B3GNT6: variants seen among roughly 807,000 people sequenced by gnomAD.
The protein encoded by B3GNT6 is acetylgalactosaminyl-O-glycosyl-glycoprotein beta-1,3-N-acetylglucosaminyltransferase.
For synonymous variants in B3GNT6, 300 were observed against 270.0 expected (o/e 1.11, Z -1.09); for missense variants, 624 against 568.6 (o/e 1.10, Z -0.99).
chr11:77,041,771 A>G lies in B3GNT6; in HGVS notation c.*1065A>G, dbSNP rs1949688920. The stretch of plus-strand genomic sequence containing the variant: ...CAAGAGTTCGAGACCAGCCTGGCCA[A>G]TATGGTGAAACCCCGTCTCTATTGG... On this transcript the variant is annotated 3_prime_UTR_variant, in exon 2 of 2. Transcript: ENST00000622824. The G allele has an allele frequency of 6.6e-6, 1 of 152,272 alleles. No individual in the cohort carries two copies. The highest frequency in any genetic ancestry group is 1.5e-5 in the Non-Finnish European group (1 of 68,104). 9.4% of individuals were successfully genotyped at this position (152,272 alleles called of 1,614,324 possible).
rs1555027556 is a variant in B3GNT6 at position 77,040,009 on chromosome 11, G to C, written c.458G>C (p.Arg153Pro). 3 of 1,576,320 alleles carry C rather than the reference G, an allele frequency of 1.9e-6. No individual in the cohort carries two copies. The Admixed American group carries it at 5.3e-5, about 28-fold the overall frequency. ...ERSYGGRPVR[R>P]LFLLGTPGPE... The stretch of plus-strand genomic sequence containing the variant: ...AGCTACGGCGGGCGGCCAGTGCGCC[G>C]CCTCTTTCTATTGGGCACCCCGGGC... The change falls in exon 2 of 2, where the codon CGC (arginine) becomes CCC (proline). Residue 153 changes from arginine (R) to proline (P), a missense_variant. Transcript: ENST00000622824.
Position 77,039,866 on chromosome 11 carries a change from G to A in B3GNT6, c.315G>A (p.Trp105Ter), listed in dbSNP as rs782358960. The change falls in exon 2 of 2, where the codon TGG becomes TGA. Residue 105 changes from tryptophan to a stop codon, truncating the protein, a stop_gained. Transcript: ENST00000622824. LOFTEE classifies it low-confidence loss of function (END_TRUNC). ...ACTGCCGCCACTTCCCGCTGCTTTG[G>A]GACGCACCGGCCAAGTGCGCCGGCG... ...YRHCRHFPLL[W>*]DAPAKCAGGR... The A allele has an allele frequency of 5.0e-6, 8 of 1,589,032 alleles. No homozygotes were observed. In the Admixed American group the frequency reaches 1.4e-4, roughly 27 times the overall value.
chr11:77,039,674 G>A lies in B3GNT6; in HGVS notation c.123G>A (p.Arg41=), dbSNP rs1565241099. The part of the protein sequence containing the change: ...LQAPRSPREE[R]SPQEETPEGP... The stretch of plus-strand genomic sequence containing the variant: ...CGCCAAGGTCCCCGCGGGAGGAGAG[G>A]TCCCCGCAGGAGGAGACGCCAGAGG... The change falls in exon 2 of 2, where the codon AGG becomes AGA. Residue 41 remains arginine (R), a synonymous_variant. Transcript: ENST00000622824. The A allele has an allele frequency of 1.2e-6, 2 of 1,612,752 alleles. No individual in the cohort carries two copies. The highest frequency in any genetic ancestry group is 1.7e-5 in the Admixed American group (1 of 59,994).
rs781960390 is a variant in B3GNT6, at chr11:77,041,290, A to C, written c.*584A>C. The C allele has an allele frequency of 1.3e-5, 2 of 152,614 alleles. No individual in the cohort carries two copies. Among genetic ancestry groups the C allele is most frequent in the Non-Finnish European group, 2.9e-5 (2 of 68,360 alleles). 9.5% of individuals were successfully genotyped at this position (152,614 alleles called of 1,614,324 possible). On this transcript the variant is annotated 3_prime_UTR_variant, in exon 2 of 2. Transcript: ENST00000622824. ...GTGGCCTTCTTCCCACCACTACCCC[A>C]GTACACCGTGAGGTAGAAATCTTCA...
At position 77,040,757 on chromosome 11, in the gene B3GNT6, A is replaced by G; in HGVS notation, c.*51A>G. 6.6e-7 allele frequency: 1 copy of G among 1,505,658 alleles called. No individual in the cohort carries two copies. Among genetic ancestry groups the G allele is most frequent in the Non-Finnish European group, 8.8e-7 (1 of 1,135,350 alleles). 93.3% of individuals were successfully genotyped at this position (1,505,658 alleles called of 1,614,324 possible). On this transcript the variant is annotated 3_prime_UTR_variant, in exon 2 of 2. Coordinates refer to ENST00000622824, the MANE Select transcript of B3GNT6 (RefSeq NM_138706.5). Reference sequence around the variant, plus strand: ...GGCCTCCAACCATGTCCATGCTGAGAAGGCAGCTTTCCCGCTCTGGGTACC... The same window carrying G: ...GGCCTCCAACCATGTCCATGCTGAGGAGGCAGCTTTCCCGCTCTGGGTACC...
chr11:77,040,144 C>T lies in B3GNT6; in HGVS notation c.593C>T (p.Thr198Met), dbSNP rs376838217. The T allele has an allele frequency of 1.3e-5, 20 of 1,599,084 alleles. No individual in the cohort carries two copies. Among genetic ancestry groups the T allele is most frequent in the Non-Finnish European group, 1.4e-5 (17 of 1,179,436 alleles). ...TTCGCGGACACCTTCCTCAACCTCA[C>T]GCTCAAGCACCTGCACTTGCTCGAC... ...WAFADTFLNL[T>M]LKHLHLLDWL... Residue 198 changes from threonine to methionine, a missense_variant, in exon 2 of 2, where the codon ACG becomes ATG. Transcript: ENST00000622824.
rs1555027632 is a variant in B3GNT6, at chr11:77,040,193, C to A, written c.642C>A (p.His214Gln). ...LLDWLAARCP[H>Q]ARFLLSGDDD... The stretch of plus-strand genomic sequence containing the variant: ...ACTGGCTGGCTGCACGCTGCCCGCA[C>A]GCGCGCTTTCTGCTCAGCGGCGACG... Residue 214 changes from histidine (H) to glutamine (Q), a missense_variant, in exon 2 of 2, where the codon CAC (histidine) becomes CAA (glutamine). By Grantham distance (24) the His-to-Gln change is conservative (BLOSUM62 0). Transcript: ENST00000622824. 3.1e-6 allele frequency: 5 copies of A among 1,599,326 alleles called. No individual in the cohort carries two copies. Among genetic ancestry groups the A allele is most frequent in the Non-Finnish European group, 4.2e-6 (5 of 1,179,492 alleles).
At chr11:77,039,349 T>C (rs967904411) in intron 1 of B3GNT6, among the ~76,000 whole-genome samples, 1 of 152,124 alleles carries the variant, frequency 6.6e-6, no homozygotes, top group Non-Finnish European at 1.5e-5. Context: ...GACTCAAATC[T>C]GAAGGTCAGA....
Position 77,040,505 on chromosome 11 carries a change from C to A in B3GNT6, c.954C>A (p.Arg318=), listed in dbSNP as rs1555027794. ...CCTACATGGGCATGTGTCTGGAGCGCGCCGGCCTGGCGCCCAGCGGCCACG... is the reference window on the plus strand; with the variant it reads ...CCTACATGGGCATGTGTCTGGAGCGAGCCGGCCTGGCGCCCAGCGGCCACG... ...DDAYMGMCLE[R]AGLAPSGHEG... The change falls in exon 2 of 2, where the codon CGC becomes CGA. Residue 318 remains arginine, a synonymous_variant. Transcript: ENST00000622824. 14 of 1,545,750 alleles carry A rather than the reference C, an allele frequency of 9.1e-6. No homozygotes were observed. The highest frequency in any genetic ancestry group is 1.1e-5 in the Non-Finnish European group (13 of 1,151,982).
rs1555027528 is a variant in B3GNT6, at chr11:77,039,977, A to G, written c.426A>G (p.Gln142=). 3 of 1,589,594 alleles carry G rather than the reference A, an allele frequency of 1.9e-6. No homozygotes were observed. The South Asian group carries it at 3.3e-5, about 18-fold the overall frequency. Residue 142 remains glutamine, a synonymous_variant, in exon 2 of 2, where the codon CAA becomes CAG. Coordinates refer to ENST00000622824, the MANE Select transcript of B3GNT6 (RefSeq NM_138706.5). ...RRELIRRTWG[Q]ERSYGGRPVR... Reference sequence around the variant, plus strand: ...AGCTCATCCGGCGCACGTGGGGGCAAGAGCGCAGCTACGGCGGGCGGCCAG... The same window carrying G: ...AGCTCATCCGGCGCACGTGGGGGCAGGAGCGCAGCTACGGCGGGCGGCCAG...
chr11:77,040,175 G>T lies in B3GNT6; in HGVS notation c.624G>T (p.Leu208=). The T allele has an allele frequency of 6.3e-7, 1 of 1,599,398 alleles. No homozygotes were observed. The highest frequency in any genetic ancestry group is 8.5e-7 in the Non-Finnish European group (1 of 1,179,454). ...AGCACCTGCACTTGCTCGACTGGCT[G>T]GCTGCACGCTGCCCGCACGCGCGCT... ...TLKHLHLLDW[L]AARCPHARFL... Residue 208 remains leucine, a synonymous_variant, in exon 2 of 2, where the codon CTG becomes CTT. Transcript: ENST00000622824.
rs1017033463 is a variant in B3GNT6 at position 77,040,055 on chromosome 11, G to T, written c.504G>T (p.Ala168=). Residue 168 remains alanine (A), a synonymous_variant, in exon 2 of 2, where the codon GCG becomes GCT. Transcript: ENST00000622824. ...GTPGPEDEAR[A]ERLAELVALE... is the part of the protein sequence containing the mutation. Reference sequence around the variant, plus strand: ...CGGGCCCCGAGGACGAGGCGCGCGCGGAGCGGCTGGCGGAGCTGGTGGCGC... The same window carrying T: ...CGGGCCCCGAGGACGAGGCGCGCGCTGAGCGGCTGGCGGAGCTGGTGGCGC... 3.2e-6 allele frequency: 5 copies of T among 1,571,706 alleles called. No homozygotes were observed. The highest frequency in any genetic ancestry group is 4.3e-6 in the Non-Finnish European group (5 of 1,169,570).
chr11:77,035,241 A>G (rs1327279860), intron 1 of B3GNT6, among the ~76,000 whole-genome samples: 1 of 152,214 alleles, frequency 6.6e-6, no homozygotes, highest in Non-Finnish European at 1.5e-5. Flanking sequence ...ATCACAGAGG[A>G]ACTTTATAAA....
chr11:77,038,643 T>C (rs1771024181), intron 1 of B3GNT6, among the ~76,000 whole-genome samples: 1 of 151,994 alleles, frequency 6.6e-6, no homozygotes, highest in African/African-American at 2.4e-5. Flanking sequence ...CAGGGCACAG[T>C]TAAATACGGG....
intron 1 of B3GNT6, among the ~76,000 whole-genome samples, chr11:77,038,004 GGAGGGGGATATGGGAGGAGGGGGA>G (rs1949648016): frequency 1.2e-4 from 1 of 8,220 alleles, no homozygotes; most frequent in Non-Finnish European, 2.2e-4. Context: ...AGGAGGGGGA[GGAGGGGGATATGGGAGGAGGGGGA>G]GGAGAGGGAT....
chr11:77,040,476 G>T lies in B3GNT6; in HGVS notation c.925G>T (p.Asp309Tyr), dbSNP rs782411068. 11 of 1,537,674 alleles carry T rather than the reference G, an allele frequency of 7.2e-6. No homozygotes were observed. The Admixed American group carries it at 1.4e-4, about 19-fold the overall frequency. ...CCACACCCCGCTCTTCCCCATCGACGACGCCTACATGGGCATGTGTCTGGA... is the reference window on the plus strand; with the variant it reads ...CCACACCCCGCTCTTCCCCATCGACTACGCCTACATGGGCATGTGTCTGGA... ...ARHTPLFPID[D>Y]AYMGMCLERA... is the part of the protein sequence containing the mutation. The change falls in exon 2 of 2, where the codon GAC becomes TAC. Residue 309 changes from aspartate (D) to tyrosine (Y), a missense_variant. Coordinates refer to ENST00000622824, the MANE Select transcript of B3GNT6 (RefSeq NM_138706.5).
rs372967129 is a variant in B3GNT6 at position 77,038,398 on chromosome 11, G to GA, written c.1-1135dup. ...AATATAGTGGGAACCCGTCTCTACA[G>GA]AAAAAAAAAAAAAAAAAAATTTAAT... On this transcript the variant is annotated intron_variant, in intron 1 of 1. Coordinates refer to ENST00000622824, the MANE Select transcript of B3GNT6 (RefSeq NM_138706.5). 7.7e-3 allele frequency among the ~76,000 whole-genome samples: 1,006 copies of GA among 131,308 alleles called. 3 individuals carry two copies. The highest frequency in any genetic ancestry group is 0.012 in the Non-Finnish European group (724 of 62,908). The allele number at this position is 131,308 out of a possible 152,430, so 86.1% of individuals were successfully genotyped here. A position where few individuals can be genotyped will look rare whatever the true frequency, so the allele number is the denominator to read the frequency against.
Position 77,040,196 on chromosome 11 carries a change from G to T in B3GNT6, c.645G>T (p.Ala215=). 1 of 1,599,212 alleles carries T rather than the reference G, an allele frequency of 6.3e-7. No homozygotes were observed. The highest frequency in any genetic ancestry group is 8.5e-7 in the Non-Finnish European group (1 of 1,179,434). ...GGCTGGCTGCACGCTGCCCGCACGC[G>T]CGCTTTCTGCTCAGCGGCGACGACG... ...LDWLAARCPH[A]RFLLSGDDDV... Residue 215 remains alanine (A), a synonymous_variant, in exon 2 of 2, where the codon GCG becomes GCT. Transcript: ENST00000622824.
At chr11:77,036,256 T>C (rs1463918895) in intron 1 of B3GNT6, among the ~76,000 whole-genome samples, 2 of 152,232 alleles carry the variant, frequency 1.3e-5, no homozygotes, top group African/African-American at 4.8e-5. Flanking sequence ...GCAAGCCCTC[T>C]TCTCACAGTG....
Sources: allele counts gnomAD v4.1 joint callset (sites outside exome capture counted in the v4.1 genomes callset), GRCh38; gene constraint gnomAD v4.1.1; transcripts MANE v1.5; gene names NCBI Gene and HGNC (gene_info 2026-07-23, HGNC 2026-07-21).